The following NME7 variants were observed in gnomAD, a reference collection of about 807,000 sequenced individuals.
NME7 encodes NME/NM23 family member 7, also known as nucleoside diphosphate kinase 7.
A neutral mutation model predicts 49.1 loss-of-function variants in NME7; 41 were observed. The observed-to-expected ratio is 0.83, with a 90% CI of 0.65 to 1.08. The LOEUF (loss-of-function observed/expected upper bound fraction) is 1.08. NME7 is among the 50% of genes least tolerant of loss of function. NME7 has a pLI of 0.00. For synonymous variants in NME7, 139 were observed against 150.6 expected, an observed-to-expected ratio of 0.92 and a Z score of 0.56; for missense variants, 423 against 463.4, an observed-to-expected ratio of 0.91 and a Z score of 0.80.
intron 7 of NME7, among the ~76,000 whole-genome samples, chr1:169,272,466 C>T (rs373034835): frequency 6.4e-5 from 7 of 109,284 alleles, no homozygotes; most frequent in South Asian, 6.2e-4. Flanking sequence ...CATGACAGGC[C>T]GCAGCGTGTG....
chr1:169,208,079 T>C (rs1324817363), intron 10 of NME7, among the ~76,000 whole-genome samples: 1 of 152,148 alleles, frequency 6.6e-6, no homozygotes, highest in Non-Finnish European at 1.5e-5. Context: ...TGTCAGCATT[T>C]GACATGTTCT....
At chr1:169,307,774 A>C (rs10737545) in intron 4 of NME7, among the ~76,000 whole-genome samples, 53,410 of 151,980 alleles carry the variant, frequency 0.35, 10,495 homozygotes, top group Non-Finnish European at 0.44. Flanking sequence ...AATCCCAGCA[A>C]TTTGGGAGGC....
chr1:169,282,712 T>G (rs1369297184), intron 7 of NME7, among the ~76,000 whole-genome samples: 1 of 152,206 alleles, frequency 6.6e-6, no homozygotes, highest in African/African-American at 2.4e-5. Context: ...ATTTATCCAG[T>G]AGTCATTCAG....
At chr1:169,315,580 T>C (rs916441276) in intron 3 of NME7, among the ~76,000 whole-genome samples, 5 of 152,140 alleles carry the variant, frequency 3.3e-5, no homozygotes, top group African/African-American at 1.2e-4. Flanking sequence ...CATTCTTTTC[T>C]AACACACATA....
chr1:169,249,207 G>A (rs896054253), intron 7 of NME7, among the ~76,000 whole-genome samples: 1 of 151,936 alleles, frequency 6.6e-6, no homozygotes, highest in Admixed American at 6.6e-5. Flanking sequence ...TACCTCCTTG[G>A]TTAAATATAT....
chr1:169,311,582 A>G (rs1000847121), intron 3 of NME7, among the ~76,000 whole-genome samples: 3 of 152,150 alleles, frequency 2.0e-5, no homozygotes, highest in African/African-American at 7.2e-5. Flanking sequence ...TGAGTCAGTT[A>G]TATTACTTTA....
intron 11 of NME7, among the ~76,000 whole-genome samples, chr1:169,141,591 AAGG>A (rs1356370654): frequency 3.3e-5 from 5 of 152,228 alleles, no homozygotes; most frequent in Non-Finnish European, 7.3e-5. Flanking sequence ...AATTAAACCC[AAGG>A]AATTACAGTA....
intron 6 of NME7, among the ~76,000 whole-genome samples, chr1:169,295,939 C>T (rs1427406080): frequency 6.6e-6 from 1 of 152,092 alleles, no homozygotes; most frequent in Admixed American, 6.6e-5. Flanking sequence ...TTGCTATAGA[C>T]GAGTACCTGA....
intron 6 of NME7, among the ~76,000 whole-genome samples, chr1:169,293,714 C>A (rs1244281689): frequency 6.6e-6 from 1 of 152,110 alleles, no homozygotes; most frequent in Non-Finnish European, 1.5e-5. Context: ...TGTTAAACTT[C>A]ATGAAAATCT....
chr1:169,363,486 C>G (rs114414462), intron 1 of NME7, among the ~76,000 whole-genome samples: 2,067 of 152,226 alleles, frequency 0.014, 14 homozygotes, highest in Non-Finnish European at 0.021. Context: ...CTACATACCA[C>G]AAATTTGAGT....
intron 1 of NME7, among the ~76,000 whole-genome samples, chr1:169,352,605 T>A (rs977533542): frequency 6.6e-6 from 1 of 151,940 alleles, no homozygotes; most frequent in Admixed American, 6.6e-5. Context: ...GGCATCCAAA[T>A]TGGAAAGGAA....
At chr1:169,346,470 A>G (rs1166286332) in intron 1 of NME7, among the ~76,000 whole-genome samples, 1 of 152,148 alleles carries the variant, frequency 6.6e-6, no homozygotes, top group African/African-American at 2.4e-5. Context: ...TACATGGCTT[A>G]TCTTTTCTCA....
At chr1:169,330,634 G>A (rs10800433) in intron 1 of NME7, among the ~76,000 whole-genome samples, 12,573 of 151,942 alleles carry the variant, frequency 0.083, 709 homozygotes, top group Admixed American at 0.19. Context: ...AGCCGAGATC[G>A]CACCACTGCA....
At chr1:169,206,992 G>C (rs1287689898) in intron 10 of NME7, among the ~76,000 whole-genome samples, 1 of 152,034 alleles carries the variant, frequency 6.6e-6, no homozygotes, top group Non-Finnish European at 1.5e-5. Flanking sequence ...CCTTGTCTTA[G>C]TCCGTTTGCA....
intron 10 of NME7, among the ~76,000 whole-genome samples, chr1:169,195,440 T>C (rs1557983024): frequency 6.6e-6 from 1 of 152,154 alleles, no homozygotes; most frequent in Non-Finnish European, 1.5e-5. Flanking sequence ...TTTGAATTCC[T>C]GGCCTCAAGT....
At chr1:169,150,279 T>C (rs1658876089) in intron 11 of NME7, among the ~76,000 whole-genome samples, 1 of 152,216 alleles carries the variant, frequency 6.6e-6, no homozygotes, top group Non-Finnish European at 1.5e-5. Flanking sequence ...ATAAGACAGC[T>C]GAGAAAAATA....
chr1:169,250,784 G>A (rs573829326), intron 7 of NME7, among the ~76,000 whole-genome samples: 3 of 152,020 alleles, frequency 2.0e-5, no homozygotes, highest in Non-Finnish European at 4.4e-5. Flanking sequence ...GTATAGTTTT[G>A]AGGGTTACTT....
intron 7 of NME7, among the ~76,000 whole-genome samples, chr1:169,241,454 T>C (rs1648082875): frequency 6.6e-6 from 1 of 151,680 alleles, no homozygotes. Flanking sequence ...TTAATGATAA[T>C]AAAAAAATGA....
At position 169,213,050 on chromosome 1, in the gene NME7, A is replaced by G. The variant is rs562570539; in HGVS notation, c.990+17668T>C. Reference sequence around the variant, plus strand: ...GTGCCGAAGAGCTGTCAAGAGTCCTAAGTATAACAGTGCTGTGATGTGCCT... The same window carrying G: ...GTGCCGAAGAGCTGTCAAGAGTCCTGAGTATAACAGTGCTGTGATGTGCCT... On this transcript the variant is annotated intron_variant, in intron 10 of 11. Transcript: ENST00000367811. 1.4e-4 allele frequency among the ~76,000 whole-genome samples: 22 copies of G among 152,250 alleles called. No individual in the cohort carries two copies. In the South Asian group the frequency reaches 2.1e-3, roughly 14 times the overall value.
Sources: allele counts gnomAD v4.1 joint callset (sites outside exome capture counted in the v4.1 genomes callset), GRCh38; gene constraint gnomAD v4.1.1; transcripts MANE v1.5; gene names NCBI Gene and HGNC (gene_info 2026-07-23, HGNC 2026-07-21).